The following CASK variants were observed in gnomAD, a reference collection of about 807,000 sequenced individuals.
CASK encodes the protein calcium/calmodulin dependent serine protein kinase, also known as peripheral plasma membrane protein CASK.
A neutral mutation model predicts 82.9 loss-of-function variants in CASK; 4 were observed. The observed-to-expected ratio is 0.05, with a 90% CI of 0.02 to 0.11. The LOEUF (loss-of-function observed/expected upper bound fraction) is 0.11, where lower values mean the gene tolerates loss of function less well. Ranked by LOEUF, CASK falls within the 10% of genes least tolerant of loss-of-function variation. CASK has a pLI of 1.00. For missense variants in CASK, 358 were observed against 720.9 expected, an observed-to-expected ratio of 0.50 and a Z score of 5.76; for synonymous variants, 259 against 253.5, an observed-to-expected ratio of 1.02 and a Z score of -0.20.
At chrX:41,793,911 C>T (rs146767557) in intron 2 of CASK, among the ~76,000 whole-genome samples, 3 of 111,663 alleles carry the variant, frequency 2.7e-5, no homozygotes, top group African/African-American at 9.7e-5. Context: ...ATAAAGATCC[C>T]AGCTGCCTTT....
At chrX:41,853,497 ATAG>A (rs2071306082) in intron 1 of CASK, among the ~76,000 whole-genome samples, 1 of 112,348 alleles carries the variant, frequency 8.9e-6, no homozygotes, top group Admixed American at 9.4e-5. Flanking sequence ...AAAATTCTAA[ATAG>A]TAGTCTTATG....
chrX:41,610,055 C>A, intron 11 of CASK, 30 bp from the exon 12 acceptor site: 1 of 1,200,571 alleles, frequency 8.3e-7, no homozygotes, highest in Non-Finnish European at 1.1e-6. Flanking sequence ...AAGAAACAGC[C>A]AGTATAGAAA....
At chrX:41,828,660 A>G (rs896444784) in intron 2 of CASK, among the ~76,000 whole-genome samples, 1 of 111,899 alleles carries the variant, frequency 8.9e-6, no homozygotes, top group African/African-American at 3.3e-5. Context: ...ACTGATGGGG[A>G]GGAAATTTAA....
rs143205439 is a variant in CASK at position 41,623,891 on chromosome X, C to T, written c.1016-1257G>A. ...GCTTGGCTAATATTTTGACTTCTTA[C>T]AAAGTAGAGGGTCTCCCTATGTTGC... On this transcript the variant is annotated intron_variant, in intron 10 of 26. Transcript: ENST00000378163. 2.5e-4 allele frequency among the ~76,000 whole-genome samples: 28 copies of T among 110,203 alleles called. No individual in the cohort carries two copies. The East Asian group carries it at 6.0e-3, about 23-fold the overall frequency.
chrX:41,848,519 TG>T (rs2071202411), intron 2 of CASK, among the ~76,000 whole-genome samples: 1 of 112,128 alleles, frequency 8.9e-6, no homozygotes, highest in South Asian at 3.7e-4. Context: ...CCACCAGGAC[TG>T]GAAGTTTCCT....
At chrX:41,533,593 T>A (rs959076242) in intron 24 of CASK, among the ~76,000 whole-genome samples, 1 of 112,621 alleles carries the variant, frequency 8.9e-6, no homozygotes, top group Non-Finnish European at 1.9e-5. Context: ...CTCCTGTTGC[T>A]CTTAAAAAAT....
At chrX:41,647,445 A>G (rs2066778025) in intron 8 of CASK, among the ~76,000 whole-genome samples, 1 of 111,877 alleles carries the variant, frequency 8.9e-6, no homozygotes, top group Non-Finnish European at 1.9e-5. Flanking sequence ...TATAGATTAA[A>G]CCCCACGACT....
At chrX:41,794,282 A>T (rs1348255296) in intron 2 of CASK, among the ~76,000 whole-genome samples, 1 of 112,444 alleles carries the variant, frequency 8.9e-6, no homozygotes, top group Admixed American at 9.5e-5. Flanking sequence ...TAAATAGGCA[A>T]ATGTGTATTA....
intron 5 of CASK, among the ~76,000 whole-genome samples, chrX:41,712,905 A>G (rs1392856052): frequency 9.0e-6 from 1 of 110,636 alleles, no homozygotes; most frequent in Non-Finnish European, 1.9e-5. Context: ...GACAGCTTTG[A>G]CTCCCTATGA....
rs1395285480 is a variant in CASK at position 41,534,655 on chromosome X, TA to T, written c.2317+50del. 6 of 976,655 alleles carry T rather than the reference TA, an allele frequency of 6.1e-6. No individual in the cohort carries two copies. In the African/African-American group the frequency reaches 9.6e-5, roughly 16 times the overall value. 80.5% of individuals were successfully genotyped at this position (976,655 alleles called of 1,213,427 possible). On this transcript the variant is annotated intron_variant, in intron 24 of 26. Coordinates refer to ENST00000378163, the MANE Select transcript of CASK (RefSeq NM_001367721.1). ...GAAAAAAATACATAAATTATAGAGT[TA>T]AAAAAGTGATAGGAAAAATATAATG...
chrX:41,887,667 T>C (rs1457051469), intron 1 of CASK, among the ~76,000 whole-genome samples: 6 of 111,090 alleles, frequency 5.4e-5, no homozygotes, highest in Admixed American at 9.6e-5. Context: ...TCAGCCAACA[T>C]TGAATTAAAA....
At chrX:41,796,493 C>A (rs1402922862) in intron 2 of CASK, among the ~76,000 whole-genome samples, 1 of 112,229 alleles carries the variant, frequency 8.9e-6, no homozygotes, top group Non-Finnish European at 1.9e-5. Context: ...TCTATGCCTA[C>A]TTTAACTTTG....
intron 9 of CASK, among the ~76,000 whole-genome samples, chrX:41,632,198 C>A (rs1340308536): frequency 1.8e-5 from 2 of 112,194 alleles, no homozygotes; most frequent in Admixed American, 1.9e-4. Context: ...AAGCCCACAA[C>A]GACTGCTATC....
rs1259781912 is a variant in CASK at position 41,884,170 on chromosome X, C to A, written c.60-30943G>T. 2.7e-5 allele frequency among the ~76,000 whole-genome samples: 3 copies of A among 112,288 alleles called. No individual in the cohort carries two copies. The East Asian group carries it at 8.4e-4, about 32-fold the overall frequency. ...AAATGGGCCATCCAAGAAGGCAGGA[C>A]AGAGAGTCTTTGCTTTTCCTGCCCA... is the stretch of plus-strand genomic sequence containing the variant. On this transcript the variant is annotated intron_variant, in intron 1 of 26. Coordinates refer to ENST00000378163, the MANE Select transcript of CASK (RefSeq NM_001367721.1).
chrX:41,772,791 C>T (rs753312928), intron 3 of CASK, among the ~76,000 whole-genome samples: 1 of 110,414 alleles, frequency 9.1e-6, no homozygotes, highest in Non-Finnish European at 1.9e-5. Flanking sequence ...CCTGAGGTAA[C>T]GAGTTTGAGA....
rs765680190 is a variant in CASK, at chrX:41,873,199, C to G, written c.60-19972G>C. 8.4e-4 allele frequency among the ~76,000 whole-genome samples: 89 copies of G among 105,530 alleles called. 1 individual carries two copies. Among genetic ancestry groups the G allele is most frequent in the Non-Finnish European group, 8.5e-4 (44 of 51,536 alleles). The allele number at this position is 105,530 out of a possible 115,157, so 91.6% of individuals were successfully genotyped here. A position where few individuals can be genotyped will look rare whatever the true frequency, so the allele number is the denominator to read the frequency against. On this transcript the variant is annotated intron_variant, in intron 1 of 26. Coordinates refer to ENST00000378163, the MANE Select transcript of CASK (RefSeq NM_001367721.1). Reference sequence around the variant, plus strand: ...TAGCAGTAGTAGTCAGTATTTTTGACCCTGACCCAACTCTGACTCCATTCA... The same window carrying G: ...TAGCAGTAGTAGTCAGTATTTTTGAGCCTGACCCAACTCTGACTCCATTCA...
chrX:41,838,321 T>C (rs1324902192), intron 2 of CASK, among the ~76,000 whole-genome samples: 1 of 112,831 alleles, frequency 8.9e-6, no homozygotes, highest in African/African-American at 3.2e-5. Context: ...CACTATCCAA[T>C]TGGACTATTT....
At chrX:41,892,058 T>C (rs2072179458) in intron 1 of CASK, among the ~76,000 whole-genome samples, 1 of 109,910 alleles carries the variant, frequency 9.1e-6, no homozygotes, top group Non-Finnish European at 1.9e-5. Context: ...CTGGGTCTGC[T>C]GGCACATACC....
At chrX:41,653,326 G>C (rs772952967) in intron 8 of CASK, among the ~76,000 whole-genome samples, 1 of 112,014 alleles carries the variant, frequency 8.9e-6, no homozygotes, top group Non-Finnish European at 1.9e-5. Flanking sequence ...GTTTGGAGCT[G>C]CAACTGTGTC....
Sources: gnomAD v4.1 joint callset for allele counts (sites outside exome capture counted in the v4.1 genomes callset) on GRCh38, gnomAD v4.1.1 for gene constraint, MANE v1.5 for transcripts, NCBI Gene and HGNC (gene_info 2026-07-23, HGNC 2026-07-21) for gene names.